Variants in CFAP61 observed in about 807,000 individuals in gnomAD.
The protein encoded by CFAP61 is cilia and flagella associated protein 61.
In CFAP61, 107 loss-of-function variants were observed where a neutral mutation model predicts 135.6. The ratio of observed to expected loss-of-function variants is 0.79; its 90% CI spans 0.67 to 0.93. The LOEUF (loss-of-function observed/expected upper bound fraction) is 0.93, where lower values mean the gene tolerates loss of function less well. CFAP61 is among the 40% of genes least tolerant of loss of function. The pLI, the probability that CFAP61 is intolerant of heterozygous loss-of-function variation, is 0.00. For missense variants in CFAP61, 1,507 were observed against 1,556.2 expected (o/e 0.97, Z 0.53); for synonymous variants, 575 against 578.5 (o/e 0.99, Z 0.09).
At chr20:20,178,933 A>G (rs890095012) in intron 13 of CFAP61, among the ~76,000 whole-genome samples, 2 of 152,108 alleles carry the variant, frequency 1.3e-5, no homozygotes, top group Non-Finnish European at 2.9e-5. Flanking sequence ...TTGTTTCATG[A>G]TTCTATTACA....
At chr20:20,061,109 A>T (rs1057050488) in intron 2 of CFAP61, among the ~76,000 whole-genome samples, 13 of 152,194 alleles carry the variant, frequency 8.5e-5, no homozygotes. Flanking sequence ...AACAGATAAT[A>T]AAGACTGTTA....
chr20:20,188,610 G>A (rs917809410), intron 14 of CFAP61, among the ~76,000 whole-genome samples: 4 of 152,176 alleles, frequency 2.6e-5, no homozygotes, highest in Admixed American at 2.0e-4. Context: ...ATGTGCTATG[G>A]CAAAAGTCAG....
rs551785823 is a variant in CFAP61 at position 20,191,965 on chromosome 20, G to A, written c.1590+546G>A. Among the ~76,000 whole-genome samples the A allele has an allele frequency of 2.0e-5, 3 of 152,012 alleles. No homozygotes were observed. In the South Asian group the frequency reaches 6.2e-4, roughly 32 times the overall value. On this transcript the variant is annotated intron_variant, in intron 15 of 26. Transcript: ENST00000245957. ...CTATTTTTAAACTCTGTTCTGTTCC[G>A]TGGATTTATCTGTTGATACCTATTG...
intron 11 of CFAP61, among the ~76,000 whole-genome samples, chr20:20,165,275 C>A (rs918646129): frequency 1.3e-5 from 2 of 152,194 alleles, no homozygotes; most frequent in African/African-American, 4.8e-5. Flanking sequence ...ACTGTGTGTT[C>A]ATTCCTGAGC....
At chr20:20,265,353 C>T (rs897575722) in intron 21 of CFAP61, 1 of 779,018 alleles carries the variant, frequency 1.3e-6, no homozygotes, top group Non-Finnish European at 2.4e-6. Context: ...ATTTAGAAAC[C>T]CCAAAGCAAG....
At chr20:20,331,879 G>A (rs2058013038) in intron 25 of CFAP61, among the ~76,000 whole-genome samples, 1 of 152,160 alleles carries the variant, frequency 6.6e-6, no homozygotes, top group Non-Finnish European at 1.5e-5. Flanking sequence ...AAATGGTTGT[G>A]CTCTCTATGA....
intron 17 of CFAP61, among the ~76,000 whole-genome samples, chr20:20,219,474 G>A (rs146162266): frequency 5.1e-4 from 77 of 152,238 alleles, no homozygotes; most frequent in Middle Eastern, 3.4e-3. Flanking sequence ...ATATTTTAAA[G>A]TCTATGGCTA....
intron 6 of CFAP61, among the ~76,000 whole-genome samples, chr20:20,089,164 C>T (rs889493899): frequency 6.6e-6 from 1 of 152,148 alleles, no homozygotes; most frequent in East Asian, 1.9e-4. Flanking sequence ...TTTTGAAGTG[C>T]ATTGTCAGCT....
intron 8 of CFAP61, among the ~76,000 whole-genome samples, chr20:20,137,854 C>A (rs2051057481): frequency 6.6e-6 from 1 of 152,156 alleles, no homozygotes; most frequent in Non-Finnish European, 1.5e-5. Flanking sequence ...TGAGAATGTG[C>A]CGGTCACACC....
At chr20:20,257,632 A>T in intron 20 of CFAP61, among the ~76,000 whole-genome samples, 1 of 150,328 alleles carries the variant, frequency 6.7e-6, no homozygotes, top group East Asian at 1.9e-4. Flanking sequence ...AAAAAACAAA[A>T]AAAAAAAAGA....
At chr20:20,185,031 G>A (rs2055399201) in intron 13 of CFAP61, among the ~76,000 whole-genome samples, 1 of 152,128 alleles carries the variant, frequency 6.6e-6, no homozygotes, top group Non-Finnish European at 1.5e-5. Context: ...TGGAGAGGGG[G>A]CTCTCAGCCA....
chr20:20,251,370 T>G (rs1341588085), intron 19 of CFAP61, among the ~76,000 whole-genome samples: 1 of 147,744 alleles, frequency 6.8e-6, no homozygotes, highest in African/African-American at 2.4e-5. Context: ...ACCCTCCCAG[T>G]TGTGGGCTGA....
intron 8 of CFAP61, among the ~76,000 whole-genome samples, chr20:20,133,428 G>A: frequency 6.6e-6 from 1 of 152,150 alleles, no homozygotes; most frequent in East Asian, 1.9e-4. Context: ...GAGGGCAGAG[G>A]CACAAGAGAG....
At chr20:20,257,680 C>A (rs6081940) in intron 20 of CFAP61, among the ~76,000 whole-genome samples, 1 of 149,584 alleles carries the variant, frequency 6.7e-6, no homozygotes. Context: ...CATAGTAGTA[C>A]AAAAGGACAG....
chr20:20,234,050 A>G (rs1415161217), intron 18 of CFAP61, among the ~76,000 whole-genome samples: 1 of 152,216 alleles, frequency 6.6e-6, no homozygotes, highest in East Asian at 1.9e-4. Context: ...TTTTCAAATA[A>G]TGACATTGGT....
intron 17 of CFAP61, among the ~76,000 whole-genome samples, chr20:20,209,787 T>A (rs2047500689): frequency 6.6e-6 from 1 of 152,202 alleles, no homozygotes; most frequent in African/African-American, 2.4e-5. Context: ...GGACATGGAA[T>A]GTCATGGCAT....
intron 21 of CFAP61, among the ~76,000 whole-genome samples, chr20:20,269,393 A>T (rs2053158957): frequency 6.6e-6 from 1 of 152,022 alleles, no homozygotes; most frequent in African/African-American, 2.4e-5. Context: ...ACATATATAG[A>T]CAGAATCTTG....
At chr20:20,184,867 T>G (rs1189729505) in intron 13 of CFAP61, among the ~76,000 whole-genome samples, 1 of 152,186 alleles carries the variant, frequency 6.6e-6, no homozygotes, top group Non-Finnish European at 1.5e-5. Context: ...TGGGAACCTC[T>G]GATGAGGGAC....
intron 13 of CFAP61, among the ~76,000 whole-genome samples, chr20:20,186,775 G>A (rs764358674): frequency 2.0e-5 from 3 of 152,188 alleles, no homozygotes; most frequent in Non-Finnish European, 4.4e-5. Context: ...AAGCACAGAT[G>A]TTCCCTACAG....
Sources: gnomAD v4.1 joint callset for allele counts (sites outside exome capture counted in the v4.1 genomes callset) on GRCh38, gnomAD v4.1.1 for gene constraint, MANE v1.5 for transcripts, NCBI Gene and HGNC (gene_info 2026-07-23, HGNC 2026-07-21) for gene names.